The following NXPE2 variants were observed in gnomAD, a reference collection of about 807,000 sequenced individuals.
NXPE2 encodes neurexophilin and PC-esterase domain family member 2, also known as NXPE family member 2.
In NXPE2, 34 loss-of-function variants were observed where a neutral mutation model predicts 34.4. That is an observed-to-expected ratio of 0.99 (90% CI 0.75 to 1.31). The LOEUF (loss-of-function observed/expected upper bound fraction) is 1.31. NXPE2 is among the 40% of genes most tolerant of loss of function. The pLI, the probability that NXPE2 is intolerant of heterozygous loss-of-function variation, is 0.00. For synonymous variants in NXPE2, 235 were observed against 231.3 expected, an observed-to-expected ratio of 1.02 and a Z score of -0.15; for missense variants, 649 against 672.5, an observed-to-expected ratio of 0.97 and a Z score of 0.39.
the NXPE2 span, among the ~76,000 whole-genome samples, chr11:114,652,707 C>G: frequency 1.2e-3 from 188 of 152,184 alleles, no homozygotes; most frequent in African/African-American, 4.3e-3. Context: ...GAGAACCTGA[C>G]TTGCTGAATG....
At chr11:114,604,532 A>G in the NXPE2 span, among the ~76,000 whole-genome samples, 2 of 152,032 alleles carry the variant, frequency 1.3e-5, no homozygotes, top group African/African-American at 2.4e-5. Context: ...CTGGTAAATA[A>G]TAAGTATTTC....
At chr11:114,617,660 G>A in the NXPE2 span, among the ~76,000 whole-genome samples, 1 of 151,850 alleles carries the variant, frequency 6.6e-6, no homozygotes, top group Non-Finnish European at 1.5e-5. Context: ...TGCCTCTAGG[G>A]TAACCACTGT....
chr11:114,694,401 A>C (rs1951210671), intron 2 of NXPE2, among the ~76,000 whole-genome samples: 2 of 152,188 alleles, frequency 1.3e-5, no homozygotes, highest in Non-Finnish European at 2.9e-5. Flanking sequence ...TAGCAATTTG[A>C]AAGTGATATG....
chr11:114,706,372 T>G (rs1248724136), intron 5 of NXPE2, 23 bp from the exon 6 acceptor site: 2 of 1,488,622 alleles, frequency 1.3e-6, no homozygotes, highest in Non-Finnish European at 1.8e-6. Context: ...TGTTAAAATA[T>G]TTATTGATTT....
chr11:114,711,360 T>C (rs751844851), downstream of NXPE2, among the ~76,000 whole-genome samples: 1 of 152,112 alleles, frequency 6.6e-6, no homozygotes, highest in Non-Finnish European at 1.5e-5. Context: ...GACATGATCT[T>C]ATATTTAGAA....
chr11:114,750,470 C>G, the NXPE2 span, among the ~76,000 whole-genome samples: 5 of 152,166 alleles, frequency 3.3e-5, no homozygotes, highest in African/African-American at 1.2e-4. Flanking sequence ...CTTTTTGACT[C>G]TTAAGTTTTA....
At chr11:114,513,632 AGTT>A in the NXPE2 span, among the ~76,000 whole-genome samples, 3 of 152,238 alleles carry the variant, frequency 2.0e-5, no homozygotes, top group Non-Finnish European at 4.4e-5. Flanking sequence ...CACATGAGTC[AGTT>A]GTTCCATTTG....
At chr11:114,810,672 A>G in the NXPE2 span, among the ~76,000 whole-genome samples, 2 of 152,068 alleles carry the variant, frequency 1.3e-5, no homozygotes, top group Non-Finnish European at 2.9e-5. Flanking sequence ...GGCGATCATT[A>G]AAAAGTCAGG....
the NXPE2 span, among the ~76,000 whole-genome samples, chr11:114,789,103 T>C: frequency 6.6e-6 from 1 of 152,186 alleles, no homozygotes; most frequent in African/African-American, 2.4e-5. Context: ...GTTCAAAAGA[T>C]CTATTGTACA....
the NXPE2 span, among the ~76,000 whole-genome samples, chr11:114,600,918 A>G: frequency 6.6e-6 from 1 of 152,026 alleles, no homozygotes; most frequent in Non-Finnish European, 1.5e-5. Flanking sequence ...AAATGGGAAA[A>G]TATAATATAG....
the NXPE2 span, among the ~76,000 whole-genome samples, chr11:114,726,095 C>T: frequency 6.6e-6 from 1 of 150,512 alleles, no homozygotes. Context: ...TCAGAAAATG[C>T]TTTATTTTAC....
At chr11:114,483,536 G>A in the NXPE2 span, among the ~76,000 whole-genome samples, 1 of 152,172 alleles carries the variant, frequency 6.6e-6, no homozygotes, top group Non-Finnish European at 1.5e-5. Flanking sequence ...CTAAACACAT[G>A]GTCGCTGTTC....
At chr11:114,768,015 TA>T in the NXPE2 span, among the ~76,000 whole-genome samples, 2 of 152,160 alleles carry the variant, frequency 1.3e-5, no homozygotes, top group Non-Finnish European at 2.9e-5. Flanking sequence ...TTCAATGCCA[TA>T]ATTTATTTGA....
chr11:114,551,222 T>A, the NXPE2 span: 2 of 1,495,510 alleles, frequency 1.3e-6, no homozygotes, highest in Non-Finnish European at 1.8e-6. Context: ...CTAGGAGAGA[T>A]GACACAAGAG....
chr11:114,713,885 T>C, the NXPE2 span, among the ~76,000 whole-genome samples: 3 of 152,200 alleles, frequency 2.0e-5, no homozygotes, highest in African/African-American at 7.2e-5. Flanking sequence ...GTGTAAAAAT[T>C]CTTCCTGTAC....
At chr11:114,798,122 T>C in the NXPE2 span, among the ~76,000 whole-genome samples, 3 of 152,230 alleles carry the variant, frequency 2.0e-5, no homozygotes, top group Admixed American at 2.0e-4. Context: ...AGAATACTGC[T>C]CTAACATACA....
At chr11:114,762,064 C>G in the NXPE2 span, among the ~76,000 whole-genome samples, 14 of 152,232 alleles carry the variant, frequency 9.2e-5, no homozygotes, top group Admixed American at 9.2e-4. Flanking sequence ...GGGGGAAATA[C>G]CTGCTCAGAG....
At chr11:114,576,002 C>T in the NXPE2 span, among the ~76,000 whole-genome samples, 1 of 152,090 alleles carries the variant, frequency 6.6e-6, no homozygotes, top group Admixed American at 6.6e-5. Context: ...TAAAAATAGG[C>T]ACATAGACCA....
the NXPE2 span, among the ~76,000 whole-genome samples, chr11:114,782,177 GA>G: frequency 6.6e-6 from 1 of 152,168 alleles, no homozygotes; most frequent in Non-Finnish European, 1.5e-5. Flanking sequence ...GTTCAGTATA[GA>G]CACATTTTAA....
Sources: allele counts gnomAD v4.1 joint callset (sites outside exome capture counted in the v4.1 genomes callset), GRCh38; gene constraint gnomAD v4.1.1; transcripts MANE v1.5; gene names NCBI Gene and HGNC (gene_info 2026-07-23, HGNC 2026-07-21).